Variants in ZC3H12D observed in about 807,000 individuals in gnomAD.
The protein encoded by ZC3H12D is probable ribonuclease ZC3H12D.
ZC3H12D carries 11 observed loss-of-function variants against 24.2 expected under a neutral mutation model. The observed-to-expected ratio is 0.46, with a 90% CI of 0.29 to 0.75. The LOEUF (loss-of-function observed/expected upper bound fraction) is 0.75, where lower values mean the gene tolerates loss of function less well. ZC3H12D is among the 30% of genes least tolerant of loss of function. The probability of loss-of-function intolerance (pLI) is 0.11; values close to 1 mark genes in which losing one functional copy is unlikely to be tolerated. For missense variants in ZC3H12D, 740 were observed against 767.7 expected (o/e 0.96, Z 0.43); for synonymous variants, 333 against 341.8 (o/e 0.97, Z 0.28).
In ZC3H12D at chr6:149,452,854, G is replaced by A; in HGVS notation, c.681-132C>T. 1.3e-6 allele frequency: 1 copy of A among 751,176 alleles called. No homozygotes were observed. The highest frequency in any genetic ancestry group is 1.7e-5 in the African/African-American group (1 of 57,424). The allele number at this position is 751,176 out of a possible 1,614,324, so 46.5% of individuals were successfully genotyped here. A position where few individuals can be genotyped will look rare whatever the true frequency, so the allele number is the denominator to read the frequency against. ...GCCCCGGGCCCACCATCACCCAGCA[G>A]GATGTCACAGCATCTTAAAGCAAAA... On this transcript the variant is annotated intron_variant, in intron 4 of 5. Transcript: ENST00000409806. This position sits in a 1 kb window ranked among gnomAD's most constrained non-coding sequence, Gnocchi z 4.0.
intron 4 of ZC3H12D, among the ~76,000 whole-genome samples, chr6:149,454,443 G>A (rs1173840416): frequency 1.3e-5 from 2 of 152,176 alleles, no homozygotes; most frequent in Admixed American, 1.3e-4. Flanking sequence ...GGTGATCCCC[G>A]GCCCTGTGTG....
intron 1 of ZC3H12D, among the ~76,000 whole-genome samples, chr6:149,480,920 C>T (rs1211047417): frequency 6.6e-6 from 1 of 151,700 alleles, no homozygotes; most frequent in Non-Finnish European, 1.5e-5. Context: ...GCCCAACACA[C>T]CCTCCAGGCT....
At position 149,451,386 on chromosome 6, in the gene ZC3H12D, T is replaced by G; in HGVS notation, c.881A>C (p.Lys294Thr). 6.4e-7 allele frequency: 1 copy of G among 1,557,226 alleles called. No individual in the cohort carries two copies. Among genetic ancestry groups the G allele is most frequent in the Non-Finnish European group, 8.6e-7 (1 of 1,163,016 alleles). Residue 294 changes from lysine (K) to threonine (T), a missense_variant, in exon 6 of 6, where the codon AAG (lysine) becomes ACG (threonine). Transcript: ENST00000409806. ...QLAVADELRA[K>T]TGARPGAGAE... is the part of the protein sequence containing the mutation. ...GCCCGCGCCAGGCCGGGCCCCTGTC[T>G]TGGCGCGGAGCTCGTCGGCCACCGC... is the stretch of plus-strand genomic sequence containing the variant.
Position 149,447,815 on chromosome 6 carries a change from C to A in ZC3H12D, c.*2868G>T, listed in dbSNP as rs539022023. ...TTTTTTTTTGTACTTGTCTTATTCA[C>A]AGTGAATCAAATAAAACAGCTTTAC... is the stretch of plus-strand genomic sequence containing the variant. On this transcript the variant is annotated 3_prime_UTR_variant, in exon 6 of 6. Transcript: ENST00000409806. The A allele has an allele frequency of 1.3e-5, 2 of 152,050 alleles. No individual in the cohort carries two copies. The highest frequency in any genetic ancestry group is 1.3e-4 in the Admixed American group (2 of 15,294). The allele number at this position is 152,050 out of a possible 1,614,324, so 9.4% of individuals were successfully genotyped here.
At chr6:149,481,750 C>T (rs1198221599) in intron 1 of ZC3H12D, among the ~76,000 whole-genome samples, 1 of 148,634 alleles carries the variant, frequency 6.7e-6, no homozygotes, top group Non-Finnish European at 1.5e-5. Flanking sequence ...GTTCCCTTCC[C>T]GAGGGTGAGG....
chr6:149,458,124 G>GTTTC (rs1776015445), intron 3 of ZC3H12D, among the ~76,000 whole-genome samples: 1 of 37,606 alleles, frequency 2.7e-5, no homozygotes, highest in African/African-American at 1.9e-4. Flanking sequence ...TTTTTTTTTC[G>GTTTC]TTTCTTTTTT....
At chr6:149,469,058 G>A (rs1419903616) in intron 2 of ZC3H12D, among the ~76,000 whole-genome samples, 1 of 152,168 alleles carries the variant, frequency 6.6e-6, no homozygotes, top group African/African-American at 2.4e-5. Flanking sequence ...AAATTATCAG[G>A]TGCTTTCCCC....
At chr6:149,474,006 A>G (rs1437468855) in intron 2 of ZC3H12D, among the ~76,000 whole-genome samples, 2 of 152,186 alleles carry the variant, frequency 1.3e-5, no homozygotes, top group African/African-American at 4.8e-5. Context: ...TTTTGTGCAC[A>G]AAAACCCTCT....
intron 2 of ZC3H12D, among the ~76,000 whole-genome samples, chr6:149,466,616 G>A (rs1358834303): frequency 2.6e-5 from 4 of 151,872 alleles, no homozygotes; most frequent in Admixed American, 6.6e-5. Context: ...TGTGGCTCAC[G>A]CCTGTAATCC....
At chr6:149,469,156 G>C (rs1008298555) in intron 2 of ZC3H12D, among the ~76,000 whole-genome samples, 1 of 152,146 alleles carries the variant, frequency 6.6e-6, no homozygotes, top group Non-Finnish European at 1.5e-5. Flanking sequence ...CCCACCCTAG[G>C]CAAGAAAATG....
intron 2 of ZC3H12D, among the ~76,000 whole-genome samples, chr6:149,470,238 TAGTCCCAGCTACTCGGGAGGCTG>T (rs1258785766): frequency 1.3e-5 from 2 of 152,112 alleles, no homozygotes; most frequent in African/African-American, 4.8e-5. Context: ...CACACACCTG[TAGTCCCAGCTACTCGGGAGGCTG>T]AGTCAGGAGA....
rs1276615584 is a variant in ZC3H12D, at chr6:149,461,947, GAGA to G, written c.326_328del (p.Phe109del). On this transcript the variant is annotated inframe_deletion, in exon 3 of 6. Coordinates refer to ENST00000409806, the MANE Select transcript of ZC3H12D (RefSeq NM_207360.3). ...AACAGCCAGCTTGATTCCCCGGCAA[GAGA>G]AGGTTTCTTTATTTCCATGGCTACA... The G allele has an allele frequency of 1.9e-6, 3 of 1,612,026 alleles. No homozygotes were observed. Among genetic ancestry groups the G allele is most frequent in the African/African-American group, 2.7e-5 (2 of 74,894 alleles).
chr6:149,483,969 G>A (rs1052394220), intron 1 of ZC3H12D, among the ~76,000 whole-genome samples: 6 of 152,180 alleles, frequency 3.9e-5, no homozygotes, highest in African/African-American at 1.2e-4. Flanking sequence ...CTCTGTGAAC[G>A]ATGTTGCTGT....
Position 149,456,937 on chromosome 6 carries a change from A to C in ZC3H12D, c.446-37T>G. The C allele has an allele frequency of 6.4e-7, 1 of 1,574,770 alleles. No individual in the cohort carries two copies. Among genetic ancestry groups the C allele is most frequent in the Non-Finnish European group, 8.6e-7 (1 of 1,161,554 alleles). On this transcript the variant is annotated intron_variant, in intron 3 of 5. Coordinates refer to ENST00000409806, the MANE Select transcript of ZC3H12D (RefSeq NM_207360.3). The surrounding 1 kb of genome is among the most constrained non-coding windows in gnomAD (Gnocchi z 4.3). ...GCGACGGAGACGCGGGTGAGGGCCC[A>C]AGGGCACCGCCCCTGAGAACCACCC...
In ZC3H12D at chr6:149,451,113, A is replaced by G; in HGVS notation, c.1154T>C (p.Val385Ala). 5 of 1,348,812 alleles carry G rather than the reference A, an allele frequency of 3.7e-6. No individual in the cohort carries two copies. Among genetic ancestry groups the G allele is most frequent in the Non-Finnish European group, 4.7e-6 (5 of 1,055,912 alleles). 83.6% of individuals were successfully genotyped at this position (1,348,812 alleles called of 1,614,324 possible). Residue 385 changes from valine to alanine, a missense_variant, in exon 6 of 6, where the codon GTG (valine) becomes GCG (alanine). Coordinates refer to ENST00000409806, the MANE Select transcript of ZC3H12D (RefSeq NM_207360.3). ...GPDWVSAGGR[V>A]PGPLSLPSPE... is the part of the protein sequence containing the mutation. ...GCTAGGGAGGCTGAGCGGGCCTGGC[A>G]CCCGGCCGCCCGCGGACACCCAGTC...
chr6:149,483,440 C>T (rs954737210), intron 1 of ZC3H12D, among the ~76,000 whole-genome samples: 2 of 152,168 alleles, frequency 1.3e-5, no homozygotes, highest in African/African-American at 4.8e-5. Flanking sequence ...AGCTCCAGAT[C>T]TCTTTTCAGC....
intron 4 of ZC3H12D, among the ~76,000 whole-genome samples, chr6:149,454,513 G>A (rs1218553035): frequency 6.6e-6 from 1 of 152,202 alleles, no homozygotes. Context: ...CCTTGACCAA[G>A]AATCTGGGGA....
chr6:149,451,108 C>G lies in ZC3H12D; in HGVS notation c.1159G>C (p.Gly387Arg), dbSNP rs1440348121. The G allele has an allele frequency of 7.4e-7, 1 of 1,353,914 alleles. No homozygotes were observed. The highest frequency in any genetic ancestry group is 3.0e-5 in the East Asian group (1 of 33,032). 83.9% of individuals were successfully genotyped at this position (1,353,914 alleles called of 1,614,324 possible). A position where few individuals can be genotyped will look rare whatever the true frequency, so the allele number is the denominator to read the frequency against. Residue 387 changes from glycine to arginine, a missense_variant, in exon 6 of 6, where the codon GGC becomes CGC. Coordinates refer to ENST00000409806, the MANE Select transcript of ZC3H12D (RefSeq NM_207360.3). ...TCCGGGCTAGGGAGGCTGAGCGGGC[C>G]TGGCACCCGGCCGCCCGCGGACACC... ...DWVSAGGRVP[G>R]PLSLPSPESQ...
At chr6:149,463,023 C>T (rs1199400119) in intron 2 of ZC3H12D, among the ~76,000 whole-genome samples, 1 of 152,214 alleles carries the variant, frequency 6.6e-6, no homozygotes, top group Non-Finnish European at 1.5e-5. Flanking sequence ...TTCATATATA[C>T]ATGTAGCCTA....
Sources: allele counts gnomAD v4.1 joint callset (sites outside exome capture counted in the v4.1 genomes callset), GRCh38; gene constraint gnomAD v4.1.1; non-coding constraint Gnocchi (gnomAD v3.1); transcripts MANE v1.5; gene names NCBI Gene and HGNC (gene_info 2026-07-23, HGNC 2026-07-21).